Variants in MADCAM1 observed in about 807,000 individuals in gnomAD.
The protein encoded by MADCAM1 is mucosal addressin cell adhesion molecule 1.
Under a neutral mutation model 26.1 loss-of-function variants are expected in MADCAM1, and 19 were observed. That is an observed-to-expected ratio of 0.73 (90% CI 0.51 to 1.07). The LOEUF (loss-of-function observed/expected upper bound fraction) is 1.07. MADCAM1 is among the 50% of genes least tolerant of loss of function. The pLI is 0.00. For missense variants in MADCAM1, 514 were observed against 542.1 expected, an observed-to-expected ratio of 0.95 and a Z score of 0.51; for synonymous variants, 268 against 260.9, an observed-to-expected ratio of 1.03 and a Z score of -0.26.
At chr19:497,757 G>A (rs1978292273) in intron 1 of MADCAM1, 76 bp from the exon 2 acceptor site, 11 of 1,149,434 alleles carry the variant, frequency 9.6e-6, no homozygotes, top group Non-Finnish European at 1.2e-5. Context: ...GTCCGGGGGT[G>A]GAGCGGGACG....
Position 501,672 on chromosome 19 carries a change from T to C in MADCAM1, c.671T>C (p.Leu224Pro), listed in dbSNP as rs1438300447. The C allele has an allele frequency of 5.1e-6, 7 of 1,360,734 alleles. No individual in the cohort carries two copies. Among genetic ancestry groups the C allele is most frequent in the Non-Finnish European group, 6.7e-6 (7 of 1,040,066 alleles). The allele number at this position is 1,360,734 out of a possible 1,614,324, so 84.3% of individuals were successfully genotyped here. A position where few individuals can be genotyped will look rare whatever the true frequency, so the allele number is the denominator to read the frequency against. Residue 224 changes from leucine to proline, a missense_variant, in exon 4 of 5, where the codon CTG (leucine) becomes CCG (proline). Leu to Pro is a moderately conservative substitution (Grantham distance 98). Coordinates refer to ENST00000215637, the MANE Select transcript of MADCAM1 (RefSeq NM_130760.3). ...AAAACCCTCACTCTGTTTCCAGTCC[T>C]GCACAGCCCGACCTCCCCGGAGCCT... ...ELSHRQAIPV[L>P]HSPTSPEPPD...
intron 4 of MADCAM1, among the ~76,000 whole-genome samples, chr19:503,578 CAAAA>C (rs55970128): frequency 1.7e-5 from 2 of 120,122 alleles, no homozygotes; most frequent in Admixed American, 9.2e-5. Flanking sequence ...GACTCCGTCT[CAAAA>C]AAAAAAAAAA....
chr19:499,666 A>G (rs1978309196), intron 3 of MADCAM1: 2 of 377,860 alleles, frequency 5.3e-6, no homozygotes, highest in Admixed American at 3.3e-5. Context: ...ACCTTCTCCC[A>G]CTGTGGCTCC....
At chr19:497,792 CG>C (rs1337270963) in intron 1 of MADCAM1, 40 bp from the exon 2 acceptor site, 2 of 1,250,286 alleles carry the variant, frequency 1.6e-6, no homozygotes, top group African/African-American at 3.1e-5. Flanking sequence ...GGGCGGGGTC[CG>C]GGACTCCGCG....
At position 497,892 on chromosome 19, in the gene MADCAM1, G is replaced by C; in HGVS notation, c.112G>C (p.Ala38Pro). ...VEPPEPVVAVALGASRQLTCR... is the reference protein window; with the variant it reads ...VEPPEPVVAVPLGASRQLTCR... ...GCCCCCGGAGCCGGTGGTGGCCGTG[G>C]CCTTGGGCGCCTCGCGCCAGCTCAC... is the stretch of plus-strand genomic sequence containing the variant. The change falls in exon 2 of 5, where the codon GCC becomes CCC. Residue 38 changes from alanine to proline, a missense_variant. Physicochemically the swap from Ala to Pro is conservative, Grantham distance 27. Transcript: ENST00000215637. 2.2e-6 allele frequency: 3 copies of C among 1,363,852 alleles called. No homozygotes were observed. The highest frequency in any genetic ancestry group is 1.5e-5 in the African/African-American group (1 of 65,448). The allele number at this position is 1,363,852 out of a possible 1,614,324, so 84.5% of individuals were successfully genotyped here. A position where few individuals can be genotyped will look rare whatever the true frequency, so the allele number is the denominator to read the frequency against.
At chr19:498,260 C>T in intron 2 of MADCAM1, 143 bp downstream of exon 2, 2 of 947,650 alleles carry the variant, frequency 2.1e-6, no homozygotes, top group South Asian at 3.2e-5. Flanking sequence ...CCCCGGCCTT[C>T]GCTTCCCTCC....
rs574073497 is a variant in MADCAM1, at chr19:499,467, TACAA to T, written c.667+646_667+649del. Among the ~76,000 whole-genome samples the T allele has an allele frequency of 3.4e-3, 518 of 151,996 alleles. 13 individuals carry two copies. The highest frequency in any genetic ancestry group is 1.5e-3 in the South Asian group (7 of 4,800). Reference sequence around the variant, plus strand: ...ACACAGGCACACACGCACACGCGTGTACAAACAGGCACACAAGCACACACGGGAA... The same window carrying T: ...ACACAGGCACACACGCACACGCGTGTACAGGCACACAAGCACACACGGGAA... On this transcript the variant is annotated intron_variant, in intron 3 of 4. Transcript: ENST00000215637.
Position 501,727 on chromosome 19 carries a change from C to A in MADCAM1, c.726C>A (p.Asp242Glu). The change falls in exon 4 of 5, where the codon GAC (aspartate) becomes GAA (glutamate). Residue 242 changes from aspartate to glutamate, a missense_variant. This residue lies in a region of MADCAM1 where 45 missense variants were observed against 91.8 expected (regional missense o/e 0.49). Transcript: ENST00000215637. ...PPDTTSPESP[D>E]TTSPESPDTT... ...ACACCACCTCCCCGGAGTCTCCCGA[C>A]ACCACCTCCCCGGAGTCTCCCGACA... 2 of 1,566,744 alleles carry A rather than the reference C, an allele frequency of 1.3e-6. No homozygotes were observed. Among genetic ancestry groups the A allele is most frequent in the Non-Finnish European group, 1.7e-6 (2 of 1,154,076 alleles).
intron 4 of MADCAM1, among the ~76,000 whole-genome samples, chr19:503,425 C>G (rs1978449256): frequency 6.6e-6 from 1 of 150,676 alleles, no homozygotes; most frequent in South Asian, 2.1e-4. Flanking sequence ...ACTAAAAATA[C>G]AAAAAATTAG....
intron 3 of MADCAM1, chr19:500,169 G>T (rs759931563): frequency 1.3e-5 from 6 of 456,122 alleles, no homozygotes; most frequent in Non-Finnish European, 2.6e-5. Context: ...AACTCTCCTC[G>T]TCCACAGCCC....
intron 4 of MADCAM1, among the ~76,000 whole-genome samples, chr19:502,580 G>T (rs528881393): frequency 1.3e-5 from 2 of 152,246 alleles, no homozygotes; most frequent in African/African-American, 4.8e-5. Context: ...GGGATTACAG[G>T]TGTGAGCCAC....
In MADCAM1 at chr19:500,251, G is replaced by A. The variant is rs552633916; in HGVS notation, c.668-1418G>A. 2.2e-4 allele frequency: 99 copies of A among 448,284 alleles called. 4 individuals carry two copies. The highest frequency in any genetic ancestry group is 1.5e-3 in the South Asian group (97 of 63,840). 27.8% of individuals were successfully genotyped at this position (448,284 alleles called of 1,614,324 possible). On this transcript the variant is annotated intron_variant, in intron 3 of 4. Transcript: ENST00000215637. Reference sequence around the variant, plus strand: ...GGTGACTCTCACCCCTTTGACAGTTGAGGAAACTGAGGCACGTGGAGATTA... The same window carrying A: ...GGTGACTCTCACCCCTTTGACAGTTAAGGAAACTGAGGCACGTGGAGATTA...
In MADCAM1 at chr19:498,024, C is replaced by T. The variant is rs890630539; in HGVS notation, c.244C>T (p.Arg82Cys). ...CACGGGCCGCAGCGTCCTCACCGTG[C>T]GCAACGCCTCGCTGTCGGCGGCCGG... ...SDTGRSVLTVRNASLSAAGTR... is the reference protein window; with the variant it reads ...SDTGRSVLTVCNASLSAAGTR... Residue 82 changes from arginine to cysteine, a missense_variant, in exon 2 of 5, where the codon CGC becomes TGC. Transcript: ENST00000215637. 2 of 1,499,374 alleles carry T rather than the reference C, an allele frequency of 1.3e-6. No homozygotes were observed. The highest frequency in any genetic ancestry group is 1.4e-5 in the African/African-American group (1 of 69,964). The allele number at this position is 1,499,374 out of a possible 1,614,324, so 92.9% of individuals were successfully genotyped here.
rs1191758432 is a variant in MADCAM1 at position 504,866 on chromosome 19, G to A, written c.1050G>A (p.Glu350=). 3 of 1,613,008 alleles carry A rather than the reference G, an allele frequency of 1.9e-6. No homozygotes were observed. The highest frequency in any genetic ancestry group is 2.2e-5 in the South Asian group (2 of 91,084). The part of the protein sequence containing the change: ...HLWKRCRHLA[E]DDTHPPASLR... Reference sequence around the variant, plus strand: ...GGAAACGCTGCCGGCACCTGGCTGAGGACGACACCCACCCACCAGCTTCTC... The same window carrying A: ...GGAAACGCTGCCGGCACCTGGCTGAAGACGACACCCACCCACCAGCTTCTC... The change falls in exon 5 of 5, where the codon GAG becomes GAA. Residue 350 remains glutamate (E), a synonymous_variant. Coordinates refer to ENST00000215637, the MANE Select transcript of MADCAM1 (RefSeq NM_130760.3).
At chr19:497,013 G>T (rs1377573588) in intron 1 of MADCAM1, among the ~76,000 whole-genome samples, 1 of 10,028 alleles carries the variant, frequency 1.0e-4, no homozygotes. Flanking sequence ...CTCAGGAGAG[G>T]GGAGGGGGCT....
intron 3 of MADCAM1, among the ~76,000 whole-genome samples, chr19:500,857 G>A (rs1056455182): frequency 1.3e-5 from 2 of 151,628 alleles, no homozygotes; most frequent in Admixed American, 6.6e-5. Flanking sequence ...GCAACAGAAC[G>A]AGACTCCATC....
chr19:498,677 G>A lies in MADCAM1; in HGVS notation c.519G>A (p.Glu173=). 4.8e-6 allele frequency: 7 copies of A among 1,448,800 alleles called. No homozygotes were observed. The highest frequency in any genetic ancestry group is 6.3e-6 in the Non-Finnish European group (7 of 1,104,916). The allele number at this position is 1,448,800 out of a possible 1,614,324, so 89.7% of individuals were successfully genotyped here. A position where few individuals can be genotyped will look rare whatever the true frequency, so the allele number is the denominator to read the frequency against. ...GCCCGGAGGTGCAGGAGGAGGAGGA[G>A]GAGCCCCAGGGGGACGAGGACGTGC... The part of the protein sequence containing the change: ...ALGPEVQEEE[E]EPQGDEDVLF... The change falls in exon 3 of 5, where the codon GAG becomes GAA. Residue 173 remains glutamate, a synonymous_variant. Transcript: ENST00000215637.
At chr19:503,138 C>T (rs950846580) in intron 4 of MADCAM1, among the ~76,000 whole-genome samples, 2 of 152,132 alleles carry the variant, frequency 1.3e-5, no homozygotes, top group East Asian at 1.9e-4. Context: ...TAAATCAAGA[C>T]GAGCTTTGAA....
rs1978530477 is a variant in MADCAM1, at chr19:504,795, G to A, written c.979G>A (p.Ala327Thr). ...GCCCGCGGCTCTGTGGACCAGCAGT[G>A]CGGTGCTGGGACTGCTGCTCCTGGC... is the stretch of plus-strand genomic sequence containing the variant. ...QLPAALWTSSAVLGLLLLALP... is the reference protein window; with the variant it reads ...QLPAALWTSSTVLGLLLLALP... The change falls in exon 5 of 5, where the codon GCG (alanine) becomes ACG (threonine). Residue 327 changes from alanine to threonine, a missense_variant. Around this residue, in one of 3 missense-constraint regions of MADCAM1, gnomAD observed 152 missense variants for 136.7 expected, o/e 1.11. Coordinates refer to ENST00000215637, the MANE Select transcript of MADCAM1 (RefSeq NM_130760.3). The A allele has an allele frequency of 6.2e-7, 1 of 1,612,812 alleles. No individual in the cohort carries two copies. The highest frequency in any genetic ancestry group is 8.5e-7 in the Non-Finnish European group (1 of 1,179,782).
Sources: allele counts gnomAD v4.1 joint callset (sites outside exome capture counted in the v4.1 genomes callset), GRCh38; gene constraint gnomAD v4.1.1; regional missense constraint gnomAD v4.1.1; transcripts MANE v1.5; gene names NCBI Gene and HGNC (gene_info 2026-07-23, HGNC 2026-07-21).